The following FOXO4 variants were observed in gnomAD, a reference collection of about 807,000 sequenced individuals.
FOXO4 encodes forkhead box O4.
A neutral mutation model predicts 20.8 loss-of-function variants in FOXO4; 3 were observed. That is an observed-to-expected ratio of 0.14 (90% CI 0.07 to 0.37). The LOEUF (loss-of-function observed/expected upper bound fraction) is 0.37. FOXO4 is among the 10% of genes least tolerant of loss of function. FOXO4 has a pLI of 1.00. For missense variants in FOXO4, 309 were observed against 431.9 expected, an observed-to-expected ratio of 0.72 and a Z score of 2.52; for synonymous variants, 158 against 180.0, an observed-to-expected ratio of 0.88 and a Z score of 0.98.
At position 71,101,539 on chromosome X, in the gene FOXO4, C is replaced by T. The variant is rs1416299638; in HGVS notation, c.1309C>T (p.Pro437Ser). ...LVPTLSMIAP[P>S]PVMASAPIPK... The stretch of plus-strand genomic sequence containing the variant: ...TCCCACCCTTTCTATGATAGCACCA[C>T]CTCCAGTCATGGCAAGTGCCCCCAT... Residue 437 changes from proline to serine, a missense_variant, in exon 2 of 3, where the codon CCT becomes TCT. This residue lies in a region of FOXO4 where 223 missense variants were observed against 302.7 expected (regional missense o/e 0.74). Transcript: ENST00000374259. The T allele has an allele frequency of 1.7e-6, 2 of 1,211,673 alleles. No homozygotes were observed. The highest frequency in any genetic ancestry group is 2.3e-4 in the Middle Eastern group (1 of 4,352).
Position 71,102,112 on chromosome X carries a change from T to C in FOXO4, c.*28T>C. 8.3e-7 allele frequency: 1 copy of C among 1,203,192 alleles called. No individual in the cohort carries two copies. The highest frequency in any genetic ancestry group is 1.1e-6 in the Non-Finnish European group (1 of 888,295). On this transcript the variant is annotated 3_prime_UTR_variant, in exon 3 of 3. Coordinates refer to ENST00000374259, the MANE Select transcript of FOXO4 (RefSeq NM_005938.4). Reference sequence around the variant, plus strand: ...CATGCCTGGAAGCTTTGTCCCCTGCTTCAGATGTGGAGCCAGGCGTGTTCA... The same window carrying C: ...CATGCCTGGAAGCTTTGTCCCCTGCCTCAGATGTGGAGCCAGGCGTGTTCA...
In FOXO4 at chrX:71,101,303, G is replaced by A; in HGVS notation, c.1073G>A (p.Gly358Glu). Residue 358 changes from glycine (G) to glutamate (E), a missense_variant, in exon 2 of 3, where the codon GGG becomes GAG. By Grantham distance (98) the Gly-to-Glu change is moderately conservative. Transcript: ENST00000374259. The part of the protein sequence containing the change: ...PAEGPLSAGE[G>E]CFSSSQALEA... ...GAGGGGCCCCTGTCAGCAGGAGAAGGGTGCTTCTCCAGCTCCCAGGCTCTG... is the reference window on the plus strand; with the variant it reads ...GAGGGGCCCCTGTCAGCAGGAGAAGAGTGCTTCTCCAGCTCCCAGGCTCTG... 8.3e-7 allele frequency: 1 copy of A among 1,210,943 alleles called. No individual in the cohort carries two copies. The highest frequency in any genetic ancestry group is 1.1e-6 in the Non-Finnish European group (1 of 894,998).
intron 1 of FOXO4, among the ~76,000 whole-genome samples, chrX:71,100,221 AG>A (rs1463048762): frequency 1.1e-5 from 1 of 95,100 alleles, no homozygotes; most frequent in Non-Finnish European, 2.1e-5. Context: ...GGAAGAGCAG[AG>A]TACCAGGAGC....
At chrX:71,100,560 G>A (rs1000434219) in intron 1 of FOXO4, 124 bp from the exon 2 acceptor site, 9 of 424,024 alleles carry the variant, frequency 2.1e-5, no homozygotes, top group East Asian at 1.7e-4. Context: ...ACCCTGCTGC[G>A]GTGGTGGCAC....
In FOXO4 at chrX:71,096,336, A is replaced by G. The variant is rs1268148693; in HGVS notation, c.-193A>G. On this transcript the variant is annotated 5_prime_UTR_variant, in exon 1 of 3. Coordinates refer to ENST00000374259, the MANE Select transcript of FOXO4 (RefSeq NM_005938.4). ...TTTGAGGCTACAGGCTGTAGTCGGG[A>G]AGGGGATCGGAGAACTGTGTGAAGG... 1.1e-5 allele frequency: 5 copies of G among 447,674 alleles called. No individual in the cohort carries two copies. In the East Asian group the frequency reaches 1.9e-4, roughly 17 times the overall value. The allele number at this position is 447,674 out of a possible 1,213,427, so 36.9% of individuals were successfully genotyped here.
At position 71,101,364 on chromosome X, in the gene FOXO4, T is replaced by C. The variant is rs773398866; in HGVS notation, c.1134T>C (p.Pro378=). The change falls in exon 2 of 3, where the codon CCT becomes CCC. Residue 378 remains proline, a synonymous_variant. Transcript: ENST00000374259. ...ALLTSDTPPP[P]ADVLMTQVDP... ...TCACCTCTGATACGCCACCACCCCC[T>C]GCTGACGTCCTCATGACCCAGGTAG... 1.2e-5 allele frequency: 14 copies of C among 1,209,619 alleles called. No homozygotes were observed. The South Asian group carries it at 2.5e-4, about 21-fold the overall frequency.
In FOXO4 at chrX:71,096,253, G is replaced by A; in HGVS notation, c.-276G>A. The A allele has an allele frequency of 2.5e-6, 1 of 403,395 alleles. No individual in the cohort carries two copies. Among genetic ancestry groups the A allele is most frequent in the East Asian group, 4.2e-5 (1 of 23,807 alleles). 33.2% of individuals were successfully genotyped at this position (403,395 alleles called of 1,213,427 possible). A position where few individuals can be genotyped will look rare whatever the true frequency, so the allele number is the denominator to read the frequency against. On this transcript the variant is annotated 5_prime_UTR_variant, in exon 1 of 3. Coordinates refer to ENST00000374259, the MANE Select transcript of FOXO4 (RefSeq NM_005938.4). ...TAAAAGAGCAGGAAGCTGAGTGAGA[G>A]GTTGCAGAAAAAGTGTCTTCGCTCG...
Position 71,100,675 on chromosome X carries a change from C to A in FOXO4, c.454-9C>A. On this transcript the variant is annotated splice_polypyrimidine_tract_variant and intron_variant, in intron 1 of 2. Coordinates refer to ENST00000374259, the MANE Select transcript of FOXO4 (RefSeq NM_005938.4). ...TCACGCCCCTTTCCTGCCATCTCTGCCCCTCCAGAACTCGATCCGCCACAA... is the reference window on the plus strand; with the variant it reads ...TCACGCCCCTTTCCTGCCATCTCTGACCCTCCAGAACTCGATCCGCCACAA... 1 of 1,173,682 alleles carries A rather than the reference C, an allele frequency of 8.5e-7. No homozygotes were observed. The highest frequency in any genetic ancestry group is 1.1e-6 in the Non-Finnish European group (1 of 873,487).
Position 71,096,570 on chromosome X carries a change from G to A in FOXO4, c.42G>A (p.Ala14=). Residue 14 remains alanine, a synonymous_variant, in exon 1 of 3, where the codon GCG becomes GCA. Transcript: ENST00000374259. ...AGAATTCAGCCACAGAGGCTGCCGC[G>A]ATCATAGACCTAGATCCCGACTTCG... ...GNENSATEAA[A]IIDLDPDFEP... 8.3e-7 allele frequency: 1 copy of A among 1,209,932 alleles called. No homozygotes were observed. Among genetic ancestry groups the A allele is most frequent in the South Asian group, 1.8e-5 (1 of 56,578 alleles).
rs868048162 is a variant in FOXO4 at position 71,100,559 on chromosome X, C to T, written c.454-125C>T. On this transcript the variant is annotated intron_variant, in intron 1 of 2. Coordinates refer to ENST00000374259, the MANE Select transcript of FOXO4 (RefSeq NM_005938.4). The stretch of plus-strand genomic sequence containing the variant: ...TGAAGCCCCGAAATGAACCCTGCTG[C>T]GGTGGTGGCACCAAATCCTAAACCC... The T allele has an allele frequency of 1.6e-5, 7 of 426,670 alleles. No individual in the cohort carries two copies. The South Asian group carries it at 1.8e-4, about 11-fold the overall frequency. 35.2% of individuals were successfully genotyped at this position (426,670 alleles called of 1,213,427 possible). A position where few individuals can be genotyped will look rare whatever the true frequency, so the allele number is the denominator to read the frequency against.
In FOXO4 at chrX:71,101,191, C is replaced by T. The variant is rs868275368; in HGVS notation, c.961C>T (p.Arg321Trp). 5.0e-6 allele frequency: 6 copies of T among 1,209,396 alleles called. No homozygotes were observed. The African/African-American group carries it at 5.3e-5, about 11-fold the overall frequency. ...NLTSSHSLLS[R>W]SGLSGFSLQH... ...CACCTCTTCCCATTCCCTGCTATCTCGGAGTGGTCTCTCTGGCTTCTCTTT... is the reference window on the plus strand; with the variant it reads ...CACCTCTTCCCATTCCCTGCTATCTTGGAGTGGTCTCTCTGGCTTCTCTTT... Residue 321 changes from arginine (R) to tryptophan (W), a missense_variant, in exon 2 of 3, where the codon CGG becomes TGG. This residue lies in a region of FOXO4 where 223 missense variants were observed against 302.7 expected (regional missense o/e 0.74). Coordinates refer to ENST00000374259, the MANE Select transcript of FOXO4 (RefSeq NM_005938.4).
In FOXO4 at chrX:71,101,747, T is replaced by C. The variant is rs763402346; in HGVS notation, c.1510+7T>C. 2 of 1,175,480 alleles carry C rather than the reference T, an allele frequency of 1.7e-6. No homozygotes were observed. Among genetic ancestry groups the C allele is most frequent in the East Asian group, 5.9e-5 (2 of 33,685 alleles). On this transcript the variant is annotated splice_region_variant and intron_variant, in intron 2 of 2. Transcript: ENST00000374259. ...GACTTCAACTTTGAGCCAGGTACAG[T>C]ACCCCCTAATCACCACAGCACCTCA...
At chrX:71,101,888 G>GT (rs1208863484) in intron 2 of FOXO4, 148 bp downstream of exon 2, 1 of 667,537 alleles carries the variant, frequency 1.5e-6, no homozygotes, top group Non-Finnish European at 2.4e-6. Context: ...TCATATTACA[G>GT]TAGCATAGTT....
In FOXO4 at chrX:71,096,527, G is replaced by C; in HGVS notation, c.-2G>C. Reference sequence around the variant, plus strand: ...CTGAGCCGGGGAGGTCCAACTCCACGTATGGATCCGGGGAATGAGAATTCA... The same window carrying C: ...CTGAGCCGGGGAGGTCCAACTCCACCTATGGATCCGGGGAATGAGAATTCA... On this transcript the variant is annotated 5_prime_UTR_variant, in exon 1 of 3. Transcript: ENST00000374259. 8.3e-7 allele frequency: 1 copy of C among 1,202,986 alleles called. No individual in the cohort carries two copies. The highest frequency in any genetic ancestry group is 1.1e-6 in the Non-Finnish European group (1 of 890,459).
In FOXO4 at chrX:71,099,014, A is replaced by C. The variant is rs760444871; in HGVS notation, c.454-1670A>C. 1.6e-4 allele frequency among the ~76,000 whole-genome samples: 18 copies of C among 111,567 alleles called. No homozygotes were observed. The East Asian group carries it at 4.5e-3, about 28-fold the overall frequency. On this transcript the variant is annotated intron_variant, in intron 1 of 2. Coordinates refer to ENST00000374259, the MANE Select transcript of FOXO4 (RefSeq NM_005938.4). ...GAAACAAGTAGTTTCTGACCGTCCCATGTACTCAGCCTCCTAGTTGCTCTA... is the reference window on the plus strand; with the variant it reads ...GAAACAAGTAGTTTCTGACCGTCCCCTGTACTCAGCCTCCTAGTTGCTCTA...
intron 1 of FOXO4, 35 bp downstream of exon 1, chrX:71,097,016 A>T: frequency 8.9e-7 from 1 of 1,124,997 alleles, no homozygotes; most frequent in South Asian, 2.0e-5. Flanking sequence ...TCCCAACACC[A>T]TCTACCCCCT....
chrX:71,096,795 A>C lies in FOXO4; in HGVS notation c.267A>C (p.Thr89=). The C allele has an allele frequency of 8.3e-7, 1 of 1,201,283 alleles. No individual in the cohort carries two copies. Among genetic ancestry groups the C allele is most frequent in the Non-Finnish European group, 1.1e-6 (1 of 890,041 alleles). ...AGCCCGGAATCCTGGGGGCTGTAAC[A>C]GGTCCTCGGAAGGGAGGCTCCCGCC... The part of the protein sequence containing the change: ...GPQPGILGAV[T]GPRKGGSRRN... The change falls in exon 1 of 3, where the codon ACA becomes ACC. Residue 89 remains threonine (T), a synonymous_variant. Coordinates refer to ENST00000374259, the MANE Select transcript of FOXO4 (RefSeq NM_005938.4).
intron 1 of FOXO4, chrX:71,099,378 C>T (rs2092225139): frequency 8.9e-6 from 1 of 111,884 alleles, no homozygotes; most frequent in Non-Finnish European, 1.9e-5. Context: ...GCTTCCAATA[C>T]CCAAGGCACT....
chrX:71,100,805 G>A lies in FOXO4; in HGVS notation c.575G>A (p.Arg192His), dbSNP rs2092228990. 6 of 1,209,582 alleles carry A rather than the reference G, an allele frequency of 5.0e-6. No homozygotes were observed. The highest frequency in any genetic ancestry group is 3.0e-5 in the East Asian group (1 of 33,747). The change falls in exon 2 of 3, where the codon CGC becomes CAC. Residue 192 changes from arginine to histidine, a missense_variant. Arg to His is a conservative substitution (Grantham distance 29). Coordinates refer to ENST00000374259, the MANE Select transcript of FOXO4 (RefSeq NM_005938.4). ...PEGGKSGKAP[R>H]RRAASMDSSS... The stretch of plus-strand genomic sequence containing the variant: ...GGAGGCAAGAGCGGCAAAGCCCCCC[G>A]CCGCCGGGCCGCCTCCATGGATAGC...
Sources: allele counts gnomAD v4.1 joint callset (sites outside exome capture counted in the v4.1 genomes callset), GRCh38; gene constraint gnomAD v4.1.1; regional missense constraint gnomAD v4.1.1; transcripts MANE v1.5; gene names NCBI Gene and HGNC (gene_info 2026-07-23, HGNC 2026-07-21).